MINDY2: variants seen among roughly 807,000 people sequenced by gnomAD.
The protein encoded by MINDY2 is ubiquitin carboxyl-terminal hydrolase MINDY-2.
MINDY2 carries 52 observed loss-of-function variants against 68.2 expected under a neutral mutation model. That is an observed-to-expected ratio of 0.76 (90% CI 0.61 to 0.96). MINDY2 has a LOEUF of 0.96. Among genes scored for constraint, MINDY2 ranks in the 40% least tolerant of loss-of-function variants. The probability of loss-of-function intolerance (pLI) is 0.00; values close to 1 mark genes in which losing one functional copy is unlikely to be tolerated. For synonymous variants in MINDY2, 372 were observed against 303.0 expected (o/e 1.23, Z -2.36); for missense variants, 881 against 773.4 (o/e 1.14, Z -1.65).
chr15:58,839,999 A>AT (rs1187913161), intron 6 of MINDY2, among the ~76,000 whole-genome samples: 1 of 151,758 alleles, frequency 6.6e-6, no homozygotes, highest in African/African-American at 2.4e-5. Flanking sequence ...CGCTCAGCTA[A>AT]TTTTTTGTAT....
chr15:58,849,737 G>A (rs780014715), intron 7 of MINDY2, among the ~76,000 whole-genome samples: 21 of 152,038 alleles, frequency 1.4e-4, no homozygotes, highest in Non-Finnish European at 2.5e-4. Flanking sequence ...GATCTTTCCA[G>A]GCAACAACCT....
In MINDY2 at chr15:58,778,810, CTTT is replaced by C. The variant is rs1182523003; in HGVS notation, c.840+6593_840+6595del. ...CCCACCTAATTTTTTTTCTTTTTTT[CTTT>C]TTTTTTTTTTTTTTTTTGAGACGGA... On this transcript the variant is annotated intron_variant, in intron 1 of 8. Coordinates refer to ENST00000559228, the MANE Select transcript of MINDY2 (RefSeq NM_001040450.3). Among the ~76,000 whole-genome samples, 25 of 114,358 alleles carry C rather than the reference CTTT, an allele frequency of 2.2e-4. No individual in the cohort carries two copies. In the East Asian group the frequency reaches 2.8e-3, roughly 13 times the overall value. 75.0% of individuals were successfully genotyped at this position (114,358 alleles called of 152,430 possible).
Position 58,802,386 on chromosome 15 carries a change from C to G in MINDY2, c.963+9C>G, listed in dbSNP as rs750581884. 2.6e-6 allele frequency: 4 copies of G among 1,539,316 alleles called. No homozygotes were observed. Among genetic ancestry groups the G allele is most frequent in the Non-Finnish European group, 3.5e-6 (4 of 1,135,218 alleles). On this transcript the variant is annotated intron_variant, in intron 3 of 8. Coordinates refer to ENST00000559228, the MANE Select transcript of MINDY2 (RefSeq NM_001040450.3). Reference sequence around the variant, plus strand: ...GTTTAAATTATGAACAGGTAATAAACAGTTTTTGTTAAAGTATATAATTTT... The same window carrying G: ...GTTTAAATTATGAACAGGTAATAAAGAGTTTTTGTTAAAGTATATAATTTT...
chr15:58,838,660 C>T (rs2032123457), intron 6 of MINDY2, among the ~76,000 whole-genome samples: 1 of 137,726 alleles, frequency 7.3e-6, no homozygotes, highest in African/African-American at 2.8e-5. Flanking sequence ...AATCTCAGCT[C>T]ACCACAACCT....
At chr15:58,848,790 C>T (rs1038269229) in intron 7 of MINDY2, among the ~76,000 whole-genome samples, 11 of 152,160 alleles carry the variant, frequency 7.2e-5, no homozygotes, top group Admixed American at 3.9e-4. Context: ...ATGCATCTTT[C>T]TAGGACTTTT....
At position 58,860,448 on chromosome 15, in the gene MINDY2, C is replaced by G. The variant is rs1273704165; in HGVS notation, c.*5838C>G. The G allele has an allele frequency of 2.0e-5, 3 of 152,084 alleles. No individual in the cohort carries two copies. The highest frequency in any genetic ancestry group is 7.2e-5 in the African/African-American group (3 of 41,404). The allele number at this position is 152,084 out of a possible 1,614,324, so 9.4% of individuals were successfully genotyped here. ...AATTAGCTGGGTGTGGTGGCACATG[C>G]CTGTAATCCCAGCCACTGGGGAGGT... is the stretch of plus-strand genomic sequence containing the variant. On this transcript the variant is annotated 3_prime_UTR_variant, in exon 9 of 9. Coordinates refer to ENST00000559228, the MANE Select transcript of MINDY2 (RefSeq NM_001040450.3).
chr15:58,806,649 T>G (rs1903031709), intron 3 of MINDY2, among the ~76,000 whole-genome samples: 1 of 152,164 alleles, frequency 6.6e-6, no homozygotes, highest in South Asian at 2.1e-4. Context: ...CCAGAGCCAT[T>G]AGAAATCATA....
intron 5 of MINDY2, among the ~76,000 whole-genome samples, chr15:58,829,252 A>G (rs2031587128): frequency 3.9e-5 from 6 of 152,370 alleles, no homozygotes; most frequent in Middle Eastern, 6.8e-3. Context: ...TTAAGAGATG[A>G]CAGGAGAATT....
At chr15:58,819,468 G>T (rs575096712) in intron 4 of MINDY2, among the ~76,000 whole-genome samples, 2 of 152,138 alleles carry the variant, frequency 1.3e-5, no homozygotes, top group South Asian at 4.2e-4. Context: ...CTCCAGCGTG[G>T]GTGACAGAGC....
At position 58,859,328 on chromosome 15, in the gene MINDY2, T is replaced by A. The variant is rs2140889290; in HGVS notation, c.*4718T>A. Reference sequence around the variant, plus strand: ...CGGTGGTATCAAATTACTAATACAGTATATAAACTTCGTTTGCATTGGTGG... The same window carrying A: ...CGGTGGTATCAAATTACTAATACAGAATATAAACTTCGTTTGCATTGGTGG... On this transcript the variant is annotated 3_prime_UTR_variant, in exon 9 of 9. Transcript: ENST00000559228. 6.6e-6 allele frequency: 1 copy of A among 152,274 alleles called. No individual in the cohort carries two copies. Among genetic ancestry groups the A allele is most frequent in the Non-Finnish European group, 1.5e-5 (1 of 67,982 alleles). 9.4% of individuals were successfully genotyped at this position (152,274 alleles called of 1,614,324 possible). A position where few individuals can be genotyped will look rare whatever the true frequency, so the allele number is the denominator to read the frequency against.
intron 6 of MINDY2, among the ~76,000 whole-genome samples, chr15:58,843,760 G>A (rs2141049607): frequency 6.8e-6 from 1 of 148,110 alleles, no homozygotes; most frequent in African/African-American, 2.5e-5. Context: ...CGTGAACCTG[G>A]GAGGCGGAGT....
chr15:58,784,918 A>C (rs1179325696), intron 1 of MINDY2, among the ~76,000 whole-genome samples: 2 of 151,786 alleles, frequency 1.3e-5, no homozygotes, highest in African/African-American at 4.8e-5. Flanking sequence ...TGTAGACGTG[A>C]GCCACCGTAC....
chr15:58,832,032 A>AT, intron 6 of MINDY2, 116 bp downstream of exon 6: 3 of 909,770 alleles, frequency 3.3e-6, no homozygotes, highest in Non-Finnish European at 4.7e-6. Flanking sequence ...CTTAACCATC[A>AT]AATTATGAAG....
chr15:58,829,114 C>T (rs1419148596), intron 5 of MINDY2, among the ~76,000 whole-genome samples: 1 of 152,096 alleles, frequency 6.6e-6, no homozygotes, highest in Non-Finnish European at 1.5e-5. Flanking sequence ...CTGTGTAACA[C>T]TTACAGTTGT....
chr15:58,822,263 A>AAAG (rs1199781556), intron 5 of MINDY2, among the ~76,000 whole-genome samples: 1 of 152,034 alleles, frequency 6.6e-6, no homozygotes, highest in Non-Finnish European at 1.5e-5. Context: ...AAAAAAAAAA[A>AAAG]AAGAAGAAGA....
chr15:58,847,235 ATAT>A (rs2141059485), intron 6 of MINDY2, 59 bp from the exon 7 acceptor site: 1 of 1,321,682 alleles, frequency 7.6e-7, no homozygotes, highest in Non-Finnish European at 1.0e-6. Context: ...CTTTCCTTAA[ATAT>A]TATATTACTA....
intron 3 of MINDY2, among the ~76,000 whole-genome samples, chr15:58,807,353 C>CTTTTT (rs58768604): frequency 4.4e-4 from 48 of 109,016 alleles, no homozygotes; most frequent in East Asian, 5.5e-4. Context: ...TTAAAATAGT[C>CTTTTT]TTTTTTTTTT....
intron 5 of MINDY2, among the ~76,000 whole-genome samples, chr15:58,830,271 C>T (rs1293839851): frequency 6.6e-6 from 1 of 152,128 alleles, no homozygotes; most frequent in Admixed American, 6.6e-5. Context: ...CTGATCAGTA[C>T]ATAAACTTGT....
intron 2 of MINDY2, among the ~76,000 whole-genome samples, chr15:58,796,663 A>T (rs780022153): frequency 6.6e-6 from 1 of 152,164 alleles, no homozygotes; most frequent in East Asian, 1.9e-4. Flanking sequence ...AGCTGGGATT[A>T]TAGGCACCGC....
Sources: allele counts gnomAD v4.1 joint callset (sites outside exome capture counted in the v4.1 genomes callset), GRCh38; gene constraint gnomAD v4.1.1; transcripts MANE v1.5; gene names NCBI Gene and HGNC (gene_info 2026-07-23, HGNC 2026-07-21).